The following MYO3A variants were observed in gnomAD, a reference collection of about 807,000 sequenced individuals.
MYO3A encodes the protein myosin-IIIa.
A neutral mutation model predicts 192.7 loss-of-function variants in MYO3A; 180 were observed. The observed-to-expected ratio is 0.93, with a 90% CI of 0.83 to 1.06. The LOEUF (loss-of-function observed/expected upper bound fraction) is 1.06, where lower values mean the gene tolerates loss of function less well. MYO3A is among the 50% of genes least tolerant of loss of function. The pLI is 0.00. For synonymous variants in MYO3A, 628 were observed against 645.3 expected (o/e 0.97, Z 0.41); for missense variants, 1,896 against 1,905.0 (o/e 1.00, Z 0.09).
intron 17 of MYO3A, among the ~76,000 whole-genome samples, chr10:26,113,980 C>A (rs147352730): frequency 1.6e-3 from 250 of 152,274 alleles, no homozygotes; most frequent in African/African-American, 5.9e-3. Context: ...ATATTAATAT[C>A]TCACATACCA....
intron 33 of MYO3A, among the ~76,000 whole-genome samples, chr10:26,202,354 A>G (rs1248654996): frequency 6.6e-6 from 1 of 152,196 alleles, no homozygotes; most frequent in Non-Finnish European, 1.5e-5. Context: ...ATCTCTTAGG[A>G]AGTCCCAGAG....
Position 26,139,387 on chromosome 10 carries a change from G to A in MYO3A, c.2263-4061G>A, listed in dbSNP as rs151135294. Among the ~76,000 whole-genome samples, 693 of 152,058 alleles carry A rather than the reference G, an allele frequency of 4.6e-3. 8 individuals carry two copies. The highest frequency in any genetic ancestry group is 0.015 in the African/African-American group (639 of 41,490). On this transcript the variant is annotated intron_variant, in intron 20 of 34. Coordinates refer to ENST00000642920, the MANE Select transcript of MYO3A (RefSeq NM_017433.5). Reference sequence around the variant, plus strand: ...CCCAAGTAGCTGGGATTACAGGTATGAGCCACCACACTCAGCTGATTTTGT... The same window carrying A: ...CCCAAGTAGCTGGGATTACAGGTATAAGCCACCACACTCAGCTGATTTTGT...
Position 25,954,948 on chromosome 10 carries a change from C to A in MYO3A, c.243C>A (p.Phe81Leu), listed in dbSNP as rs1819582065. ...CTGACCACCCTAATGTGGTCAGATT[C>A]TATGGGATATACTTTAAGAAGGATA... ...ALSDHPNVVR[F>L]YGIYFKKDKV... is the part of the protein sequence containing the mutation. Residue 81 changes from phenylalanine (F) to leucine (L), a missense_variant, in exon 4 of 35, where the codon TTC becomes TTA. Physicochemically the swap from Phe to Leu is conservative, Grantham distance 22. Transcript: ENST00000642920. 1 of 1,612,642 alleles carries A rather than the reference C, an allele frequency of 6.2e-7. No individual in the cohort carries two copies. Among genetic ancestry groups the A allele is most frequent in the African/African-American group, 1.3e-5 (1 of 74,960 alleles).
intron 10 of MYO3A, among the ~76,000 whole-genome samples, chr10:26,054,603 A>G (rs913274461): frequency 6.6e-6 from 1 of 152,212 alleles, no homozygotes; most frequent in South Asian, 2.1e-4. Flanking sequence ...GATTAAGTCA[A>G]GGATCTGGAG....
intron 17 of MYO3A, among the ~76,000 whole-genome samples, chr10:26,100,320 C>T (rs934445366): frequency 3.9e-5 from 6 of 151,954 alleles, no homozygotes; most frequent in Non-Finnish European, 5.9e-5. Context: ...GTGTTGCTAG[C>T]GGTCTATCAA....
chr10:25,983,047 G>C (rs1403325762), intron 4 of MYO3A, among the ~76,000 whole-genome samples: 3 of 151,942 alleles, frequency 2.0e-5, no homozygotes, highest in African/African-American at 7.3e-5. Flanking sequence ...TTAAAAACAT[G>C]ATACAGGATA....
intron 15 of MYO3A, among the ~76,000 whole-genome samples, chr10:26,090,802 A>T (rs1162528658): frequency 6.6e-6 from 1 of 152,262 alleles, no homozygotes; most frequent in Non-Finnish European, 1.5e-5. Flanking sequence ...CAGAGATCAC[A>T]TGGGCATTGA....
chr10:26,173,888 G>T lies in MYO3A; in HGVS notation c.3624G>T (p.Gly1208=). 1 of 1,613,958 alleles carries T rather than the reference G, an allele frequency of 6.2e-7. No individual in the cohort carries two copies. Among genetic ancestry groups the T allele is most frequent in the Non-Finnish European group, 8.5e-7 (1 of 1,180,012 alleles). ...TTAAGCAAGAATTCTACCTTGTAGG[G>T]CCAGAAGTAAGCCCCAAACAGAAGT... ...EEVKQEFYLV[G]PEVSPKQKSV... is the part of the protein sequence containing the mutation. The change falls in exon 30 of 35, where the codon GGG becomes GGT. Residue 1208 remains glycine, a synonymous_variant. Coordinates refer to ENST00000642920, the MANE Select transcript of MYO3A (RefSeq NM_017433.5).
intron 9 of MYO3A, among the ~76,000 whole-genome samples, chr10:26,025,321 CT>C (rs72297900): frequency 0.19 from 29,143 of 151,352 alleles, 3,051 homozygotes; most frequent in African/African-American, 0.22. Flanking sequence ...TCTTTTTATG[CT>C]TTTTTTCTTT....
At chr10:26,153,957 T>C (rs1242958580) in intron 24 of MYO3A, 28 bp downstream of exon 24, 4 of 1,471,788 alleles carry the variant, frequency 2.7e-6, no homozygotes, top group Non-Finnish European at 3.8e-6. Flanking sequence ...TTCTTGGCAG[T>C]GAGTCTAAGA....
intron 10 of MYO3A, among the ~76,000 whole-genome samples, chr10:26,055,070 C>T (rs139989101): frequency 1.3e-5 from 2 of 152,348 alleles, no homozygotes; most frequent in African/African-American, 4.8e-5. Context: ...TGACAATGGC[C>T]AGGATCTACC....
intron 10 of MYO3A, among the ~76,000 whole-genome samples, chr10:26,056,822 C>T (rs1386458296): frequency 2.0e-5 from 3 of 152,194 alleles, no homozygotes; most frequent in Non-Finnish European, 4.4e-5. Flanking sequence ...CTTATATCCA[C>T]TACATCACCA....
In MYO3A at chr10:25,954,969, G is replaced by A. The variant is rs1382455344; in HGVS notation, c.264G>A (p.Lys88=). 1.2e-6 allele frequency: 2 copies of A among 1,612,856 alleles called. No individual in the cohort carries two copies. Among genetic ancestry groups the A allele is most frequent in the Admixed American group, 1.7e-5 (1 of 59,942 alleles). The change falls in exon 4 of 35, where the codon AAG becomes AAA. Residue 88 remains lysine (K), a synonymous_variant. Coordinates refer to ENST00000642920, the MANE Select transcript of MYO3A (RefSeq NM_017433.5). ...VVRFYGIYFK[K]DKVNGDKLWL... ...GATTCTATGGGATATACTTTAAGAA[G>A]GATAAAGTAAATGGAGACAAGCTGT...
At chr10:26,071,263 A>G (rs12771414) in intron 14 of MYO3A, among the ~76,000 whole-genome samples, 72,162 of 151,962 alleles carry the variant, frequency 0.47, 17,935 homozygotes, top group Middle Eastern at 0.59. Flanking sequence ...TTTTTGACAA[A>G]GTTGTAAAAT....
chr10:26,117,474 T>G (rs2131680092), intron 17 of MYO3A, among the ~76,000 whole-genome samples: 1 of 152,238 alleles, frequency 6.6e-6, no homozygotes, highest in South Asian at 2.1e-4. Flanking sequence ...TCCCTCCTCC[T>G]ACCCTGTGCC....
intron 10 of MYO3A, among the ~76,000 whole-genome samples, chr10:26,039,847 G>T (rs1198125099): frequency 4.0e-5 from 6 of 148,162 alleles, no homozygotes; most frequent in Non-Finnish European, 9.1e-5. Context: ...TTGATCTTTT[G>T]TATTGTTTTC....
Position 26,182,896 on chromosome 10 carries a change from G to A in MYO3A, c.4438+6051G>A, listed in dbSNP as rs886097973. ...ACCCTTGGTATCACCATGTGCATTC[G>A]CATGTGCTTCTGTTGTGGCGCCCTG... On this transcript the variant is annotated intron_variant, in intron 31 of 34. Coordinates refer to ENST00000642920, the MANE Select transcript of MYO3A (RefSeq NM_017433.5). Among the ~76,000 whole-genome samples the A allele has an allele frequency of 3.3e-5, 5 of 152,168 alleles. No individual in the cohort carries two copies. The East Asian group carries it at 7.7e-4, about 23-fold the overall frequency.
chr10:25,955,785 A>G (rs962592818), intron 4 of MYO3A, among the ~76,000 whole-genome samples: 1 of 152,206 alleles, frequency 6.6e-6, no homozygotes, highest in African/African-American at 2.4e-5. Context: ...GACAGCTATA[A>G]CAGCATATAT....
At chr10:26,009,621 G>A (rs952414789) in intron 6 of MYO3A, among the ~76,000 whole-genome samples, 7 of 152,150 alleles carry the variant, frequency 4.6e-5, no homozygotes, top group Admixed American at 1.3e-4. Context: ...AAAAACAGAA[G>A]CCTTAACCTC....
Sources: allele counts gnomAD v4.1 joint callset (sites outside exome capture counted in the v4.1 genomes callset), GRCh38; gene constraint gnomAD v4.1.1; transcripts MANE v1.5; gene names NCBI Gene and HGNC (gene_info 2026-07-23, HGNC 2026-07-21).